Variants in HIVEP2 observed in about 807,000 individuals in gnomAD.
HIVEP2 encodes HIVEP zinc finger 2, also known as transcription factor HIVEP2.
A neutral mutation model predicts 180.7 loss-of-function variants in HIVEP2; 14 were observed. That is an observed-to-expected ratio of 0.08 (90% confidence interval 0.05 to 0.12). The LOEUF (loss-of-function observed/expected upper bound fraction) is 0.12, where lower values mean the gene tolerates loss of function less well. HIVEP2 is among the 10% of genes least tolerant of loss of function. The pLI is 1.00. For missense variants in HIVEP2, 2,579 were observed against 3,008.5 expected, an observed-to-expected ratio of 0.86 and a Z score of 3.34; for synonymous variants, 1,184 against 1,136.4, an observed-to-expected ratio of 1.04 and a Z score of -0.84.
chr6:142,843,488 C>T (rs947477970), intron 1 of HIVEP2, among the ~76,000 whole-genome samples: 6 of 152,072 alleles, frequency 3.9e-5, no homozygotes, highest in South Asian at 2.1e-4. Flanking sequence ...GCAAGCTGGA[C>T]GTGTGCAGCC....
rs1778227000 is a variant in HIVEP2, at chr6:142,943,389, A to T, written c.-641+1710T>A. ...AAATATCACCAAATATTACTATATCACTGGAGGAAACGTTTCTAATAAAGT... is the reference window on the plus strand; with the variant it reads ...AAATATCACCAAATATTACTATATCTCTGGAGGAAACGTTTCTAATAAAGT... On this transcript the variant is annotated intron_variant, in intron 1 of 9. Coordinates refer to ENST00000367603, the MANE Select transcript of HIVEP2 (RefSeq NM_006734.4). The surrounding 1 kb of genome is among the most constrained non-coding windows in gnomAD (Gnocchi z 4.5). 6.6e-6 allele frequency among the ~76,000 whole-genome samples: 1 copy of T among 152,222 alleles called. No homozygotes were observed. The highest frequency in any genetic ancestry group is 1.5e-5 in the Non-Finnish European group (1 of 68,038).
chr6:142,905,458 C>T (rs1035375406), intron 1 of HIVEP2, among the ~76,000 whole-genome samples: 1 of 152,160 alleles, frequency 6.6e-6, no homozygotes, highest in Non-Finnish European at 1.5e-5. Context: ...CTATTACTTA[C>T]ATTTTAAAAG....
chr6:142,895,428 G>A (rs76417419), intron 1 of HIVEP2, among the ~76,000 whole-genome samples: 3 of 152,128 alleles, frequency 2.0e-5, no homozygotes, highest in East Asian at 1.9e-4. Flanking sequence ...AGATGCTTAA[G>A]AGTAGGTTCC....
chr6:142,918,270 T>G (rs1222060974), intron 1 of HIVEP2, among the ~76,000 whole-genome samples: 1 of 152,208 alleles, frequency 6.6e-6, no homozygotes, highest in Non-Finnish European at 1.5e-5. Flanking sequence ...GGTCTCAAAG[T>G]CCTGACCTCA....
At chr6:142,759,405 T>C (rs1231802972) in intron 9 of HIVEP2, among the ~76,000 whole-genome samples, 1 of 152,226 alleles carries the variant, frequency 6.6e-6, no homozygotes, top group African/African-American at 2.4e-5. Flanking sequence ...ATATAAGTGA[T>C]GCCTAAATGT....
intron 2 of HIVEP2, among the ~76,000 whole-genome samples, chr6:142,787,914 G>A (rs1464120390): frequency 6.6e-6 from 1 of 152,186 alleles, no homozygotes; most frequent in Non-Finnish European, 1.5e-5. Flanking sequence ...GTGCATGGAA[G>A]GAAGGATTCC....
At chr6:142,931,342 G>A (rs1235746713) in intron 1 of HIVEP2, among the ~76,000 whole-genome samples, 1 of 151,600 alleles carries the variant, frequency 6.6e-6, no homozygotes, top group Non-Finnish European at 1.5e-5. Flanking sequence ...ATGCATACAA[G>A]TACTTCCAAA....
chr6:142,784,471 C>G (rs550677150), intron 2 of HIVEP2, among the ~76,000 whole-genome samples: 1 of 152,284 alleles, frequency 6.6e-6, no homozygotes, highest in South Asian at 2.1e-4. Context: ...CCCCTCCTTT[C>G]TGCACACCAC....
rs114234057 is a variant in HIVEP2 at position 142,769,225 on chromosome 6, C to T, written c.5187+327G>A. Among the ~76,000 whole-genome samples, 245 of 152,296 alleles carry T rather than the reference C, an allele frequency of 1.6e-3. 4 individuals carry two copies. The highest frequency in any genetic ancestry group is 5.2e-3 in the African/African-American group (215 of 41,560). On this transcript the variant is annotated intron_variant, in intron 5 of 9. Transcript: ENST00000367603. ...TTCCTCACATCCAGAGAAAATTAGA[C>T]CTGCTAGGTCACTCACAAAGGTCAG...
rs761088417 is a variant in HIVEP2 at position 142,772,008 on chromosome 6, G to A, written c.2731C>T (p.Pro911Ser). ...TGAAATTCTTCCACAGGCTTCTCTG[G>A]CTCTTTGCTCTGGGCTTCCTTCTCC... is the stretch of plus-strand genomic sequence containing the variant. ...EKEKEAQSKEPEKPVEEFQWP... is the reference protein window; with the variant it reads ...EKEKEAQSKESEKPVEEFQWP... The change falls in exon 5 of 10, where the codon CCA (proline) becomes TCA (serine). Residue 911 changes from proline (P) to serine (S), a missense_variant. This residue lies in a region of HIVEP2 where 51 missense variants were observed against 102.8 expected (regional missense o/e 0.50). Coordinates refer to ENST00000367603, the MANE Select transcript of HIVEP2 (RefSeq NM_006734.4). This position sits in a 1 kb window ranked among gnomAD's most constrained non-coding sequence, Gnocchi z 4.9. The A allele has an allele frequency of 1.2e-5, 19 of 1,614,178 alleles. No homozygotes were observed. The highest frequency in any genetic ancestry group is 1.6e-5 in the Non-Finnish European group (19 of 1,180,030).
chr6:142,893,270 A>G (rs942405575), intron 1 of HIVEP2, among the ~76,000 whole-genome samples: 3 of 152,200 alleles, frequency 2.0e-5, no homozygotes, highest in African/African-American at 7.2e-5. Context: ...TAGAGAGTAA[A>G]TGAGGTCATC....
chr6:142,886,548 G>T (rs1409141219), intron 1 of HIVEP2, among the ~76,000 whole-genome samples: 1 of 152,114 alleles, frequency 6.6e-6, no homozygotes, highest in African/African-American at 2.4e-5. Context: ...AACAATGAAG[G>T]CAACTGGCTA....
Position 142,761,467 on chromosome 6 carries a change from C to T in HIVEP2, c.5617G>A (p.Ala1873Thr), listed in dbSNP as rs1775235005. The change falls in exon 8 of 10, where the codon GCA (alanine) becomes ACA (threonine). Residue 1873 changes from alanine to threonine, a missense_variant. By Grantham distance (58) the Ala-to-Thr change is moderately conservative (BLOSUM62 0). Transcript: ENST00000367603. ...TSVDDTETEE[A>T]ENLEDLHKAA... ...AACTCATTTATGACATACACACCTG[C>T]TTCCTCAGTTTCTGTATCATCCACC... The T allele has an allele frequency of 1.3e-6, 2 of 1,547,550 alleles. No individual in the cohort carries two copies. The highest frequency in any genetic ancestry group is 4.5e-5 in the East Asian group (2 of 44,532).
chr6:142,766,431 A>C (rs1775381177), intron 6 of HIVEP2, among the ~76,000 whole-genome samples: 1 of 152,174 alleles, frequency 6.6e-6, no homozygotes, highest in South Asian at 2.1e-4. Context: ...TAAAGATGCA[A>C]ATGTCTTTCA....
chr6:142,792,581 G>A (rs938876210), intron 2 of HIVEP2, among the ~76,000 whole-genome samples: 3 of 152,006 alleles, frequency 2.0e-5, no homozygotes, highest in Admixed American at 6.5e-5. Flanking sequence ...ACAAGGGGAG[G>A]GAGAGCATTA....
chr6:142,768,944 TC>T (rs1406068438), intron 5 of HIVEP2, among the ~76,000 whole-genome samples: 1 of 152,094 alleles, frequency 6.6e-6, no homozygotes, highest in Non-Finnish European at 1.5e-5. Context: ...TATTTTTAAA[TC>T]CTCTATTTGC....
rs774821538 is a variant in HIVEP2 at position 142,771,708 on chromosome 6, C to T, written c.3031G>A (p.Ala1011Thr). 6.2e-7 allele frequency: 1 copy of T among 1,614,164 alleles called. No individual in the cohort carries two copies. Among genetic ancestry groups the T allele is most frequent in the South Asian group, 1.1e-5 (1 of 91,084 alleles). ...GGGACAGACAATGAGTATGAACCAG[C>T]AGGGACAGTCAGAAACTCTGAATGC... is the stretch of plus-strand genomic sequence containing the variant. ...GKHSEFLTVP[A>T]GSYSLSVPGH... The change falls in exon 5 of 10, where the codon GCT becomes ACT. Residue 1011 changes from alanine (A) to threonine (T), a missense_variant. Physicochemically the swap from Ala to Thr is moderately conservative, Grantham distance 58. Around this residue, in one of 11 missense-constraint regions of HIVEP2, gnomAD observed 523 missense variants for 577.0 expected, o/e 0.91. Transcript: ENST00000367603. The surrounding 1 kb of genome is among the most constrained non-coding windows in gnomAD (Gnocchi z 5.4).
chr6:142,938,665 C>T (rs1341105816), intron 1 of HIVEP2, among the ~76,000 whole-genome samples: 2 of 152,202 alleles, frequency 1.3e-5, no homozygotes, highest in African/African-American at 4.8e-5. Context: ...GATCCCTAAT[C>T]AAATACAAAC....
intron 1 of HIVEP2, among the ~76,000 whole-genome samples, chr6:142,869,161 GC>G: frequency 6.6e-6 from 1 of 152,226 alleles, no homozygotes; most frequent in East Asian, 1.9e-4. Context: ...GCACATGACA[GC>G]CCCTCCACAA....
Sources: gnomAD v4.1 joint callset for allele counts (sites outside exome capture counted in the v4.1 genomes callset) on GRCh38, gnomAD v4.1.1 for gene constraint, gnomAD v4.1.1 regional missense constraint, Gnocchi (gnomAD v3.1) non-coding constraint, MANE v1.5 for transcripts, NCBI Gene and HGNC (gene_info 2026-07-23, HGNC 2026-07-21) for gene names.